The following FREM1 variants were observed in gnomAD, a reference collection of about 807,000 sequenced individuals.
The protein encoded by FREM1 is FRAS1-related extracellular matrix protein 1.
In FREM1, 220 loss-of-function variants were observed where a neutral mutation model predicts 210.1. The ratio of observed to expected loss-of-function variants is 1.05; its 90% CI spans 0.94 to 1.17. The LOEUF (loss-of-function observed/expected upper bound fraction) is 1.17, where lower values mean the gene tolerates loss of function less well. Among genes scored for constraint, FREM1 ranks in the 50% most tolerant of loss-of-function variants. FREM1 has a pLI of 0.00. For missense variants in FREM1, 3,454 were observed against 2,675.5 expected, an observed-to-expected ratio of 1.29 and a Z score of -6.42; for synonymous variants, 1,189 against 980.2, an observed-to-expected ratio of 1.21 and a Z score of -3.98.
intron 19 of FREM1, among the ~76,000 whole-genome samples, chr9:14,804,332 T>C (rs1245695372): frequency 6.6e-6 from 1 of 152,190 alleles, no homozygotes; most frequent in Non-Finnish European, 1.5e-5. Context: ...ATGCCTGTAA[T>C]CCCAGCACTT....
intron 10 of FREM1, among the ~76,000 whole-genome samples, chr9:14,835,399 C>G (rs983991756): frequency 1.3e-5 from 2 of 152,214 alleles, no homozygotes; most frequent in African/African-American, 2.4e-5. Context: ...TCTTTGTCAA[C>G]AGGACACAGT....
rs775885824 is a variant in FREM1, at chr9:14,869,248, C to G, written c.-267-4G>C. 3 of 377,900 alleles carry G rather than the reference C, an allele frequency of 7.9e-6. No individual in the cohort carries two copies. Among genetic ancestry groups the G allele is most frequent in the Non-Finnish European group, 4.8e-6 (1 of 209,562 alleles). The allele number at this position is 377,900 out of a possible 1,614,324, so 23.4% of individuals were successfully genotyped here. A position where few individuals can be genotyped will look rare whatever the true frequency, so the allele number is the denominator to read the frequency against. On this transcript the variant is annotated splice_polypyrimidine_tract_variant and splice_region_variant and intron_variant, in intron 1 of 36. Transcript: ENST00000380880. ...CTTCCCAAGTGCTTTTCTAATCCTGCAAATGGGAGAAGGGGTTGGAGTAAA... is the reference window on the plus strand; with the variant it reads ...CTTCCCAAGTGCTTTTCTAATCCTGGAAATGGGAGAAGGGGTTGGAGTAAA...
At chr9:14,776,341 G>T (rs1848573433) in intron 24 of FREM1, 138 bp from the exon 25 acceptor site, 2 of 959,720 alleles carry the variant, frequency 2.1e-6, no homozygotes, top group Non-Finnish European at 1.5e-6. Flanking sequence ...GGCAGATCTT[G>T]CAGAAAAATC....
intron 4 of FREM1, 63 bp from the exon 5 acceptor site, chr9:14,857,812 C>A: frequency 2.5e-6 from 3 of 1,216,390 alleles, no homozygotes; most frequent in South Asian, 3.0e-5. Flanking sequence ...AATTTAGAAA[C>A]CAGTACTCCG....
intron 1 of FREM1, among the ~76,000 whole-genome samples, chr9:14,901,318 A>T (rs932128554): frequency 1.3e-5 from 2 of 152,192 alleles, no homozygotes; most frequent in African/African-American, 4.8e-5. Context: ...AAGTCTCTCA[A>T]ATCATTCTAT....
Position 14,747,290 on chromosome 9 carries a change from T to C in FREM1, c.5983A>G (p.Thr1995Ala). 6.2e-7 allele frequency: 1 copy of C among 1,613,312 alleles called. No individual in the cohort carries two copies. Among genetic ancestry groups the C allele is most frequent in the Non-Finnish European group, 8.5e-7 (1 of 1,179,644 alleles). ...TGTCTGGGGAAGTGTGAGTCAGTTG[T>C]GGATTCCACCTTATCTGCTTGAGGC... ...ELPQADKVES[T>A]TDSHFPRQDQ... Residue 1995 changes from threonine to alanine, a missense_variant, in exon 33 of 37, where the codon ACA (threonine) becomes GCA (alanine). Thr to Ala is a moderately conservative substitution (Grantham distance 58). Coordinates refer to ENST00000380880, the MANE Select transcript of FREM1 (RefSeq NM_001379081.2).
intron 3 of FREM1, among the ~76,000 whole-genome samples, chr9:14,859,952 T>A (rs1433130400): frequency 2.0e-5 from 3 of 152,198 alleles, no homozygotes; most frequent in Non-Finnish European, 4.4e-5. Flanking sequence ...AGCTCAGTGC[T>A]TGGCATGTAA....
chr9:14,794,477 C>A (rs1031067157), intron 21 of FREM1, among the ~76,000 whole-genome samples: 34 of 152,156 alleles, frequency 2.2e-4, no homozygotes, highest in Admixed American at 2.0e-4. Context: ...TGAGGCACTG[C>A]GGACACCTGA....
At chr9:14,845,193 T>C (rs1000829316) in intron 8 of FREM1, among the ~76,000 whole-genome samples, 4 of 152,238 alleles carry the variant, frequency 2.6e-5, no homozygotes, top group African/African-American at 9.6e-5. Flanking sequence ...TATTACCTTG[T>C]TAACTATCAT....
In FREM1 at chr9:14,737,554, C is replaced by G. The variant is rs551195746; in HGVS notation, c.6382G>C (p.Gly2128Arg). 6 of 1,602,342 alleles carry G rather than the reference C, an allele frequency of 3.7e-6. No individual in the cohort carries two copies. The South Asian group carries it at 5.6e-5, about 15-fold the overall frequency. Residue 2128 changes from glycine to arginine, a missense_variant, in exon 37 of 37, where the codon GGT (glycine) becomes CGT (arginine). Physicochemically the swap from Gly to Arg is moderately radical, Grantham distance 125. Transcript: ENST00000380880. ...TTGGTGAAGGCAACAGGTTCACCAC[C>G]GATCCACTCCCAGTGGCCAGCATGC... Reference protein sequence around the residue: ...QVHAGHWEWIGGEPVAFTNGR... With the variant: ...QVHAGHWEWIRGEPVAFTNGR...
At chr9:14,812,556 A>G (rs1164006391) in intron 16 of FREM1, among the ~76,000 whole-genome samples, 3 of 152,188 alleles carry the variant, frequency 2.0e-5, no homozygotes, top group African/African-American at 7.2e-5. Flanking sequence ...GGTGAATGGA[A>G]GGTCTGTGTG....
At chr9:14,752,057 T>C (rs1423341695) in intron 29 of FREM1, among the ~76,000 whole-genome samples, 2 of 150,714 alleles carry the variant, frequency 1.3e-5, no homozygotes, top group Non-Finnish European at 2.9e-5. Context: ...AATCAATACA[T>C]CAAAATATAT....
chr9:14,737,335 A>G lies in FREM1; in HGVS notation c.*61T>C. 7.6e-7 allele frequency: 1 copy of G among 1,308,860 alleles called. No homozygotes were observed. Among genetic ancestry groups the G allele is most frequent in the Non-Finnish European group, 1.1e-6 (1 of 924,806 alleles). The allele number at this position is 1,308,860 out of a possible 1,614,324, so 81.1% of individuals were successfully genotyped here. On this transcript the variant is annotated 3_prime_UTR_variant, in exon 37 of 37. Transcript: ENST00000380880. The stretch of plus-strand genomic sequence containing the variant: ...ATTTGTTTTCTATGGAGCAATATTC[A>G]CAGATCCTGTGAATAAATAGGTGAC...
chr9:14,839,042 A>G (rs1266681755), intron 10 of FREM1, among the ~76,000 whole-genome samples: 1 of 152,176 alleles, frequency 6.6e-6, no homozygotes, highest in African/African-American at 2.4e-5. Flanking sequence ...TTCACTAAGA[A>G]TACTGCTACT....
chr9:14,888,518 C>T lies in FREM1; in HGVS notation c.-267-19274G>A, dbSNP rs115114888. On this transcript the variant is annotated intron_variant, in intron 1 of 36. Coordinates refer to ENST00000380880, the MANE Select transcript of FREM1 (RefSeq NM_001379081.2). ...AAACAATGTTCTCTAAAGGAAGTAG[C>T]TGCTGCTTTAAGAGCAAATAATTAA... Among the ~76,000 whole-genome samples, 1,060 of 152,306 alleles carry T rather than the reference C, an allele frequency of 7.0e-3. 11 individuals are homozygous for T. Among genetic ancestry groups the T allele is most frequent in the African/African-American group, 0.023 (954 of 41,554 alleles).
chr9:14,746,034 G>T (rs1842361692), intron 35 of FREM1, among the ~76,000 whole-genome samples: 1 of 152,074 alleles, frequency 6.6e-6, no homozygotes, highest in African/African-American at 2.4e-5. Flanking sequence ...CACAAAGACT[G>T]AGATAGGAAA....
At chr9:14,756,917 G>GA (rs1844488564) in intron 28 of FREM1, among the ~76,000 whole-genome samples, 1 of 152,054 alleles carries the variant, frequency 6.6e-6, no homozygotes, top group East Asian at 1.9e-4. Context: ...AAGCTCCAGG[G>GA]CACTGAAAGC....
chr9:14,831,577 G>C (rs902971768), intron 10 of FREM1, among the ~76,000 whole-genome samples: 1 of 152,188 alleles, frequency 6.6e-6, no homozygotes, highest in Non-Finnish European at 1.5e-5. Flanking sequence ...TACTTAATTA[G>C]GAAGGGTATT....
In FREM1 at chr9:14,813,021, A is replaced by G. The variant is rs377015722; in HGVS notation, c.2684T>C (p.Leu895Pro). 12 of 1,613,716 alleles carry G rather than the reference A, an allele frequency of 7.4e-6. No homozygotes were observed. The highest frequency in any genetic ancestry group is 9.3e-6 in the Non-Finnish European group (11 of 1,179,764). The change falls in exon 16 of 37, where the codon CTC becomes CCC. Residue 895 changes from leucine (L) to proline (P), a missense_variant. Transcript: ENST00000380880. ...CTCTGAGCAATTCATGACAGGCATGAGGTCAGCCTTTAAGACTGGTGGCTC... is the reference window on the plus strand; with the variant it reads ...CTCTGAGCAATTCATGACAGGCATGGGGTCAGCCTTTAAGACTGGTGGCTC... ...NDEPPVLKAD[L>P]MPVMNCSEGG...
Sources: gnomAD v4.1 joint callset for allele counts (sites outside exome capture counted in the v4.1 genomes callset) on GRCh38, gnomAD v4.1.1 for gene constraint, MANE v1.5 for transcripts, NCBI Gene and HGNC (gene_info 2026-07-23, HGNC 2026-07-21) for gene names.